PMS1: variants seen among roughly 807,000 people sequenced by gnomAD.
PMS1 encodes the protein PMS1 homolog 1, mismatch repair system component, also known as PMS1 protein homolog 1.
A neutral mutation model predicts 93.1 loss-of-function variants in PMS1; 79 were observed. The ratio of observed to expected loss-of-function variants is 0.85; its 90% CI spans 0.71 to 1.02. The LOEUF is 1.02. Among genes scored for constraint, PMS1 ranks in the 50% least tolerant of loss-of-function variants. The probability of loss-of-function intolerance (pLI) is 0.00; values close to 1 mark genes in which losing one functional copy is unlikely to be tolerated. For synonymous variants in PMS1, 335 were observed against 363.4 expected (o/e 0.92, Z 0.89); for missense variants, 1,064 against 1,085.3 (o/e 0.98, Z 0.28).
chr2:189,839,241 T>C (rs1323612443), intron 5 of PMS1, among the ~76,000 whole-genome samples: 1 of 152,214 alleles, frequency 6.6e-6, no homozygotes, highest in Non-Finnish European at 1.5e-5. Context: ...TCCACCCGCC[T>C]TGGCCTCCCA....
intron 9 of PMS1, chr2:189,857,566 C>A: frequency 4.9e-6 from 2 of 407,690 alleles, no homozygotes; most frequent in South Asian, 1.9e-5. Flanking sequence ...TCCTTTTCTT[C>A]CTTCTTCTTT....
intron 2 of PMS1, among the ~76,000 whole-genome samples, chr2:189,794,767 T>C (rs1373032890): frequency 6.6e-6 from 1 of 152,162 alleles, no homozygotes; most frequent in Non-Finnish European, 1.5e-5. Context: ...ATATTTTTAG[T>C]ATAAGAATAT....
Position 189,864,220 on chromosome 2 carries a change from A to G in PMS1, c.2334A>G (p.Leu778=). 1 of 1,596,692 alleles carries G rather than the reference A, an allele frequency of 6.3e-7. No individual in the cohort carries two copies. Among genetic ancestry groups the G allele is most frequent in the Non-Finnish European group, 8.6e-7 (1 of 1,164,658 alleles). ...PAEPLEKPIM[L]TESLFNGSHY... ...AGCCACTGGAAAAGCCAATTATGTT[A>G]ACAGAGAGGTATGATGATACAATAC... The change falls in exon 10 of 13, where the codon TTA becomes TTG. Residue 778 remains leucine (L), a synonymous_variant. Transcript: ENST00000441310.
At chr2:189,822,209 G>C (rs962977989) in intron 5 of PMS1, among the ~76,000 whole-genome samples, 6 of 152,192 alleles carry the variant, frequency 3.9e-5, no homozygotes, top group Non-Finnish European at 7.3e-5. Flanking sequence ...ATCCGGATCC[G>C]TTGCTGTGCA....
At chr2:189,853,551 T>A (rs2055002947) in intron 7 of PMS1, among the ~76,000 whole-genome samples, 1 of 151,214 alleles carries the variant, frequency 6.6e-6, no homozygotes, top group African/African-American at 2.4e-5. Flanking sequence ...AGCCTTGTTG[T>A]TTTGCCCATG....
chr2:189,808,927 C>G (rs1209851934), intron 4 of PMS1, among the ~76,000 whole-genome samples: 2 of 152,094 alleles, frequency 1.3e-5, no homozygotes, highest in Middle Eastern at 6.8e-3. Context: ...TTCCCTTTAC[C>G]CTAGATAATC....
At chr2:189,795,369 G>A (rs1274286863) in intron 2 of PMS1, among the ~76,000 whole-genome samples, 1 of 152,168 alleles carries the variant, frequency 6.6e-6, no homozygotes, top group African/African-American at 2.4e-5. Context: ...TAGAACATGT[G>A]TTACTTTGTC....
intron 4 of PMS1, 91 bp downstream of exon 4, chr2:189,805,845 A>G: frequency 6.4e-7 from 1 of 1,570,164 alleles, no homozygotes; most frequent in South Asian, 1.1e-5. Context: ...GAATACAAAT[A>G]TATTGCTTTG....
At chr2:189,846,724 T>A (rs904086423) in intron 6 of PMS1, among the ~76,000 whole-genome samples, 2 of 152,196 alleles carry the variant, frequency 1.3e-5, no homozygotes, top group Admixed American at 1.3e-4. Context: ...TGCCTGAGAA[T>A]GATTTCATCT....
At chr2:189,806,507 C>A in intron 4 of PMS1, 1 of 235,244 alleles carries the variant, frequency 4.3e-6, no homozygotes, top group South Asian at 6.5e-5. Context: ...AAGTGATCCT[C>A]CCACCTCAGC....
chr2:189,873,596 A>G lies in PMS1; in HGVS notation c.2574A>G (p.Leu858=). 1 of 1,604,628 alleles carries G rather than the reference A, an allele frequency of 6.2e-7. No individual in the cohort carries two copies. Residue 858 remains leucine, a synonymous_variant, in exon 12 of 13, where the codon TTA becomes TTG. Transcript: ENST00000441310. The part of the protein sequence containing the change: ...ADLKEILNAI[L]NRNAKEVYEC... ...TAAAAGAAATTCTTAATGCTATATT[A>G]AACAGAAATGCAAAGGAAGTTTATG...
At chr2:189,857,628 C>A in intron 9 of PMS1, 1 of 355,808 alleles carries the variant, frequency 2.8e-6, no homozygotes, top group Non-Finnish European at 5.7e-6. Flanking sequence ...CCTCCTTTCC[C>A]TTCCCTTCTT....
rs2106511150 is a variant in PMS1, at chr2:189,864,233, G to A, written c.2342+5G>A. The A allele has an allele frequency of 6.3e-7, 1 of 1,575,602 alleles. No homozygotes were observed. Among genetic ancestry groups the A allele is most frequent in the Non-Finnish European group, 8.7e-7 (1 of 1,145,892 alleles). ...GCCAATTATGTTAACAGAGAGGTAT[G>A]ATGATACAATACTTTTTAAGAGTAA... On this transcript the variant is annotated splice_donor_5th_base_variant and intron_variant, in intron 10 of 12. Transcript: ENST00000441310.
At chr2:189,876,736 T>C (rs943783928) in intron 12 of PMS1, among the ~76,000 whole-genome samples, 3 of 151,742 alleles carry the variant, frequency 2.0e-5, no homozygotes, top group Non-Finnish European at 2.9e-5. Context: ...GCCTCCCATG[T>C]AGCTGGGACT....
chr2:189,860,495 GGTT>G (rs1240671836), intron 9 of PMS1, among the ~76,000 whole-genome samples: 1 of 151,860 alleles, frequency 6.6e-6, no homozygotes, highest in Admixed American at 6.6e-5. Context: ...TGGACATTTG[GGTT>G]GTTTCCAGTT....
In PMS1 at chr2:189,854,260, G is replaced by T; in HGVS notation, c.988G>T (p.Glu330Ter). The change falls in exon 9 of 13, where the codon GAA (glutamate) becomes TAA (stop). Residue 330 changes from glutamate (E) to a stop codon, truncating the protein, a stop_gained. Coordinates refer to ENST00000441310, the MANE Select transcript of PMS1 (RefSeq NM_000534.5). LOFTEE classifies it high-confidence loss of function. Reference sequence around the variant, plus strand: ...TTAGGAATCTGTTTTAATTGCTCTTGAAAATCTGATGACGACTTGTTATGG... The same window carrying T: ...TTAGGAATCTGTTTTAATTGCTCTTTAAAATCTGATGACGACTTGTTATGG... The part of the protein sequence containing the change: ...QNKESVLIAL[E>*]NLMTTCYGPL... 1 of 1,593,102 alleles carries T rather than the reference G, an allele frequency of 6.3e-7. No individual in the cohort carries two copies. The highest frequency in any genetic ancestry group is 8.5e-7 in the Non-Finnish European group (1 of 1,170,618).
In PMS1 at chr2:189,868,035, C is replaced by T. The variant is rs2056814592; in HGVS notation, c.2473+106C>T. The stretch of plus-strand genomic sequence containing the variant: ...CAGATATGGTGGTATATTTTTGTCT[C>T]ACTATAAGTACAGTGTCAGCTATGT... On this transcript the variant is annotated intron_variant, in intron 11 of 12. Coordinates refer to ENST00000441310, the MANE Select transcript of PMS1 (RefSeq NM_000534.5). 12 of 960,554 alleles carry T rather than the reference C, an allele frequency of 1.2e-5. No individual in the cohort carries two copies. In the South Asian group the frequency reaches 1.6e-4, roughly 12 times the overall value. 59.5% of individuals were successfully genotyped at this position (960,554 alleles called of 1,614,324 possible). A position where few individuals can be genotyped will look rare whatever the true frequency, so the allele number is the denominator to read the frequency against.
intron 3 of PMS1, 48 bp downstream of exon 3, chr2:189,795,999 A>G: frequency 1.6e-6 from 2 of 1,238,968 alleles, no homozygotes; most frequent in Non-Finnish European, 2.4e-6. Flanking sequence ...TTCACTGAAC[A>G]TTACAGTTAA....
At chr2:189,863,711 T>C in intron 9 of PMS1, 32 bp from the exon 10 acceptor site, 1 of 1,467,722 alleles carries the variant, frequency 6.8e-7, no homozygotes, top group East Asian at 2.3e-5. Context: ...CTGATTATGA[T>C]CTCATTAGTT....
Sources: gnomAD v4.1 joint callset for allele counts (sites outside exome capture counted in the v4.1 genomes callset) on GRCh38, gnomAD v4.1.1 for gene constraint, MANE v1.5 for transcripts, NCBI Gene and HGNC (gene_info 2026-07-23, HGNC 2026-07-21) for gene names.